Variants in RHBDF1 observed in about 807,000 individuals in gnomAD.
RHBDF1 encodes inactive rhomboid protein 1.
A neutral mutation model predicts 98.6 loss-of-function variants in RHBDF1; 80 were observed. That is an observed-to-expected ratio of 0.81 (90% CI 0.68 to 0.98). The LOEUF (loss-of-function observed/expected upper bound fraction) is 0.98, where lower values mean the gene tolerates loss of function less well. Among genes scored for constraint, RHBDF1 ranks in the 50% least tolerant of loss-of-function variants. The pLI, the probability that RHBDF1 is intolerant of heterozygous loss-of-function variation, is 0.00. For missense variants in RHBDF1, 1,116 were observed against 1,198.3 expected (o/e 0.93, Z 1.01); for synonymous variants, 512 against 486.8 (o/e 1.05, Z -0.68).
intron 1 of RHBDF1, among the ~76,000 whole-genome samples, chr16:72,169 T>C (rs895924518): frequency 1.3e-5 from 2 of 152,198 alleles, no homozygotes; most frequent in Non-Finnish European, 2.9e-5. Context: ...CTCCCGCTCC[T>C]GGGACCCTCA....
chr16:62,149 A>T, intron 7 of RHBDF1, 97 bp from the exon 8 acceptor site: 2 of 1,411,210 alleles, frequency 1.4e-6, no homozygotes, highest in Non-Finnish European at 1.9e-6. Flanking sequence ...ATCCTGGCGA[A>T]TATACTGCGC....
In RHBDF1 at chr16:59,729, T is replaced by A; in HGVS notation, c.1817+3A>T. On this transcript the variant is annotated splice_donor_region_variant and intron_variant, in intron 14 of 17. Coordinates refer to ENST00000262316, the MANE Select transcript of RHBDF1 (RefSeq NM_022450.5). ...AGCTGCACTCGCTGGCACGCACACG[T>A]ACCTGCCCTTGGTGCCAATGCAGCA... 6.2e-7 allele frequency: 1 copy of A among 1,614,028 alleles called. No homozygotes were observed. The highest frequency in any genetic ancestry group is 8.5e-7 in the Non-Finnish European group (1 of 1,179,990).
chr16:71,406 C>A (rs1409000995), intron 1 of RHBDF1, among the ~76,000 whole-genome samples: 1 of 152,230 alleles, frequency 6.6e-6, no homozygotes, highest in Non-Finnish European at 1.5e-5. Flanking sequence ...GAGCCCCAGC[C>A]AGCTGCTTGG....
rs1186971754 is a variant in RHBDF1 at position 63,231 on chromosome 16, C to G, written c.463-49G>C. ...GAGTCAGGACCATGGGGGCTCCTAG[C>G]TCACCCAGAGGCACAGAGGCCTTGC... On this transcript the variant is annotated intron_variant, in intron 4 of 17. Coordinates refer to ENST00000262316, the MANE Select transcript of RHBDF1 (RefSeq NM_022450.5). 5.5e-6 allele frequency: 8 copies of G among 1,466,860 alleles called. No individual in the cohort carries two copies. The East Asian group carries it at 1.7e-4, about 32-fold the overall frequency. 90.9% of individuals were successfully genotyped at this position (1,466,860 alleles called of 1,614,324 possible). A position where few individuals can be genotyped will look rare whatever the true frequency, so the allele number is the denominator to read the frequency against.
intron 1 of RHBDF1, among the ~76,000 whole-genome samples, chr16:67,954 C>T (rs1279981292): frequency 6.6e-6 from 1 of 152,108 alleles, no homozygotes; most frequent in Non-Finnish European, 1.5e-5. Flanking sequence ...GGGAACCTGA[C>T]CTCCCCAGGA....
chr16:69,209 G>C (rs1366195634), intron 1 of RHBDF1, among the ~76,000 whole-genome samples: 1 of 152,180 alleles, frequency 6.6e-6, no homozygotes, highest in East Asian at 1.9e-4. Flanking sequence ...GCTCTGGCCA[G>C]TCCAGGCATA....
rs868673413 is a variant in RHBDF1, at chr16:61,069, A to G, written c.1557+51T>C. The G allele has an allele frequency of 1.3e-5, 20 of 1,500,012 alleles. No homozygotes were observed. In the Middle Eastern group the frequency reaches 5.1e-4, roughly 38 times the overall value. The allele number at this position is 1,500,012 out of a possible 1,614,324, so 92.9% of individuals were successfully genotyped here. A position where few individuals can be genotyped will look rare whatever the true frequency, so the allele number is the denominator to read the frequency against. The stretch of plus-strand genomic sequence containing the variant: ...TCTGCCGAGTCTATCTGAGGTCTGA[A>G]GAGCGAACACCGGGCAGACGAAGGC... On this transcript the variant is annotated intron_variant, in intron 11 of 17. Coordinates refer to ENST00000262316, the MANE Select transcript of RHBDF1 (RefSeq NM_022450.5).
At position 61,554 on chromosome 16, in the gene RHBDF1, G is replaced by A. The variant is rs778155097; in HGVS notation, c.1320+31C>T. On this transcript the variant is annotated intron_variant, in intron 9 of 17. Transcript: ENST00000262316. The stretch of plus-strand genomic sequence containing the variant: ...GGGGTCCAGTGCCCGGACTCCACTC[G>A]TCTGGGCCCAGGGAAGGCACAGGGG... The A allele has an allele frequency of 6.2e-6, 10 of 1,611,760 alleles. 1 individual carries two copies. In the Middle Eastern group the frequency reaches 8.3e-4, roughly 133 times the overall value.
upstream of RHBDF1, among the ~76,000 whole-genome samples, chr16:72,970 G>A (rs74000609): frequency 0.026 from 3,961 of 152,188 alleles, 173 homozygotes; most frequent in African/African-American, 0.09. Flanking sequence ...GGTAAAGGGC[G>A]GAGGATGGGT....
rs773599175 is a variant in RHBDF1 at position 63,655 on chromosome 16, CGTT to C, written c.391_393del (p.Asn131del). ...GGCGTCTCGGTGCTGGTCAGCGACA[CGTT>C]GTCCTGGCTGGGCAGGTCCAGCTCC... is the stretch of plus-strand genomic sequence containing the variant. On this transcript the variant is annotated inframe_deletion, in exon 4 of 18. Coordinates refer to ENST00000262316, the MANE Select transcript of RHBDF1 (RefSeq NM_022450.5). 92 of 1,609,736 alleles carry C rather than the reference CGTT, an allele frequency of 5.7e-5. No homozygotes were observed. In the African/African-American group the frequency reaches 1.1e-3, roughly 20 times the overall value.
chr16:72,588 G>C lies in RHBDF1; in HGVS notation c.-100C>G, dbSNP rs1444048808. ...GCCGCCGCTGGCCGGGAGGGCCCGC[G>C]CCGAGTCCCCGCCCGCCCGCCGGTC... On this transcript the variant is annotated 5_prime_UTR_variant, in exon 1 of 18. Coordinates refer to ENST00000262316, the MANE Select transcript of RHBDF1 (RefSeq NM_022450.5). The C allele has an allele frequency of 1.0e-6, 1 of 973,676 alleles. No individual in the cohort carries two copies. Among genetic ancestry groups the C allele is most frequent in the African/African-American group, 1.8e-5 (1 of 56,328 alleles). 60.3% of individuals were successfully genotyped at this position (973,676 alleles called of 1,614,324 possible).
chr16:74,007 C>A (rs1238066144), upstream of RHBDF1: 2 of 907,594 alleles, frequency 2.2e-6, no homozygotes, highest in Admixed American at 6.2e-5. Context: ...AATGGGTGCT[C>A]TCTGAACACA....
At chr16:63,547 G>T in intron 4 of RHBDF1, 40 bp downstream of exon 4, 1 of 1,480,062 alleles carries the variant, frequency 6.8e-7, no homozygotes, top group Admixed American at 2.1e-5. Context: ...CCTGAGAGCG[G>T]AAGGAGGGGC....
chr16:71,795 C>T (rs924413599), intron 1 of RHBDF1, among the ~76,000 whole-genome samples: 1 of 152,232 alleles, frequency 6.6e-6, no homozygotes, highest in African/African-American at 2.4e-5. Context: ...TGACAGACAA[C>T]CAGGCCCTCT....
intron 11 of RHBDF1, 181 bp downstream of exon 11, chr16:60,939 C>A (rs1458620920): frequency 1.5e-6 from 1 of 646,436 alleles, no homozygotes; most frequent in Non-Finnish European, 2.6e-6. Context: ...GTCTACGGGG[C>A]GAGGAGCTGG....
rs1429556943 is a variant in RHBDF1 at position 61,209 on chromosome 16, G to A, written c.1468C>T (p.Arg490Cys). ...RQDPQVHSFI[R>C]SAREREKHSA... ...TGCTTCTCGCGCTCGCGCGCCGAGCGAATGAAGCTGTGCACCTGCGGGTCC... is the reference window on the plus strand; with the variant it reads ...TGCTTCTCGCGCTCGCGCGCCGAGCAAATGAAGCTGTGCACCTGCGGGTCC... The change falls in exon 11 of 18, where the codon CGC (arginine) becomes TGC (cysteine). Residue 490 changes from arginine to cysteine, a missense_variant. Arg to Cys is a radical substitution (Grantham distance 180, BLOSUM62 -3). Coordinates refer to ENST00000262316, the MANE Select transcript of RHBDF1 (RefSeq NM_022450.5). 10 of 1,545,586 alleles carry A rather than the reference G, an allele frequency of 6.5e-6. 1 individual carries two copies. The highest frequency in any genetic ancestry group is 2.7e-5 in the African/African-American group (2 of 73,134).
At chr16:65,590 G>A (rs1475730327) in intron 1 of RHBDF1, among the ~76,000 whole-genome samples, 1 of 152,092 alleles carries the variant, frequency 6.6e-6, no homozygotes, top group African/African-American at 2.4e-5. Context: ...AGTGACAGGA[G>A]GCTCACCCTA....
At chr16:68,584 G>A (rs1897889537) in intron 1 of RHBDF1, among the ~76,000 whole-genome samples, 1 of 152,228 alleles carries the variant, frequency 6.6e-6, no homozygotes, top group Admixed American at 6.5e-5. Flanking sequence ...AGTCACTGCA[G>A]CAGCCTCACA....
At chr16:60,893 G>A (rs1897584850) in intron 11 of RHBDF1, 2 of 593,478 alleles carry the variant, frequency 3.4e-6, no homozygotes, top group East Asian at 2.9e-5. Context: ...CATGCTGGAA[G>A]AGTACACCCA....
Sources: allele counts gnomAD v4.1 joint callset (sites outside exome capture counted in the v4.1 genomes callset), GRCh38; gene constraint gnomAD v4.1.1; transcripts MANE v1.5; gene names NCBI Gene and HGNC (gene_info 2026-07-23, HGNC 2026-07-21).